The following MKRN1 variants were observed in gnomAD, a reference collection of about 807,000 sequenced individuals.
MKRN1 encodes makorin ring finger protein 1.
A neutral mutation model predicts 55.5 loss-of-function variants in MKRN1; 9 were observed. That is an observed-to-expected ratio of 0.16 (90% CI 0.10 to 0.28). The LOEUF is 0.28. MKRN1 is among the 10% of genes least tolerant of loss of function. MKRN1 has a pLI of 1.00. For missense variants in MKRN1, 488 were observed against 626.7 expected, an observed-to-expected ratio of 0.78 and a Z score of 2.36; for synonymous variants, 253 against 235.9, an observed-to-expected ratio of 1.07 and a Z score of -0.66.
intron 1 of MKRN1, chr7:140,473,448 C>A (rs1794995042): frequency 4.0e-6 from 1 of 251,480 alleles, no homozygotes; most frequent in Non-Finnish European, 8.0e-6. Flanking sequence ...TGTAAGGGTA[C>A]AAGAGAACCA....
intron 2 of MKRN1, among the ~76,000 whole-genome samples, chr7:140,465,090 A>C (rs1311915735): frequency 6.6e-6 from 1 of 152,224 alleles, no homozygotes; most frequent in African/African-American, 2.4e-5. Flanking sequence ...GTAAGAGAAA[A>C]TAACCCTTTC....
In MKRN1 at chr7:140,453,039, A is replaced by C. The variant is rs1415198219; in HGVS notation, c.*1478T>G. ...ACATTTCAAAAACAGCTCATTACAC[A>C]GAACAGCCAACTTTTTTTTTAATTG... On this transcript the variant is annotated 3_prime_UTR_variant, in exon 8 of 8. Coordinates refer to ENST00000255977, the MANE Select transcript of MKRN1 (RefSeq NM_013446.4). 6.6e-6 allele frequency: 1 copy of C among 152,634 alleles called. No homozygotes were observed. Among genetic ancestry groups the C allele is most frequent in the Non-Finnish European group, 1.5e-5 (1 of 68,044 alleles). The allele number at this position is 152,634 out of a possible 1,614,324, so 9.5% of individuals were successfully genotyped here. A position where few individuals can be genotyped will look rare whatever the true frequency, so the allele number is the denominator to read the frequency against.
At chr7:140,458,030 C>T (rs6464779) in intron 4 of MKRN1, among the ~76,000 whole-genome samples, 40,858 of 152,066 alleles carry the variant, frequency 0.27, 9,311 homozygotes, top group African/African-American at 0.63. Context: ...AAGTTTCTAA[C>T]ACAATGTCTT....
chr7:140,453,929 A>C lies in MKRN1; in HGVS notation c.*588T>G, dbSNP rs1375232321. ...CAGTAAAAAATCTCAACACATTCACACCTGATTCTGGTTACCCAGTAGTAT... is the reference window on the plus strand; with the variant it reads ...CAGTAAAAAATCTCAACACATTCACCCCTGATTCTGGTTACCCAGTAGTAT... On this transcript the variant is annotated 3_prime_UTR_variant, in exon 8 of 8. Transcript: ENST00000255977. 6.3e-6 allele frequency: 1 copy of C among 157,860 alleles called. No homozygotes were observed. The highest frequency in any genetic ancestry group is 1.9e-4 in the East Asian group (1 of 5,384). 9.8% of individuals were successfully genotyped at this position (157,860 alleles called of 1,614,324 possible).
At chr7:140,461,338 T>C (rs902142998) in intron 2 of MKRN1, among the ~76,000 whole-genome samples, 22 of 152,320 alleles carry the variant, frequency 1.4e-4, no homozygotes, top group Admixed American at 2.6e-4. Flanking sequence ...AATACATCTA[T>C]TTCCTTCAAG....
chr7:140,460,103 G>T, intron 2 of MKRN1, 167 bp from the exon 3 acceptor site: 1 of 640,132 alleles, frequency 1.6e-6, no homozygotes, highest in Non-Finnish European at 2.8e-6. Context: ...GCAAAAATTA[G>T]CTGGGCATGG....
At chr7:140,478,987 C>A (rs1237080863) in intron 1 of MKRN1, 173 bp downstream of exon 1, 3 of 797,686 alleles carry the variant, frequency 3.8e-6, no homozygotes, top group African/African-American at 1.8e-5. Context: ...GACGCAGTGA[C>A]TGGGGGAACG....
At chr7:140,455,375 T>C (rs1260563301) in intron 6 of MKRN1, 142 bp from the exon 7 acceptor site, 3 of 1,033,010 alleles carry the variant, frequency 2.9e-6, no homozygotes, top group Non-Finnish European at 2.8e-6. Flanking sequence ...CTTATAAACA[T>C]GTGTGTGCCA....
intron 2 of MKRN1, among the ~76,000 whole-genome samples, chr7:140,470,899 A>C (rs1794904170): frequency 6.6e-6 from 1 of 152,136 alleles, no homozygotes; most frequent in Admixed American, 6.6e-5. Flanking sequence ...CCTGGGCAAC[A>C]GAGGGACAAG....
intron 1 of MKRN1, among the ~76,000 whole-genome samples, chr7:140,474,945 C>G (rs1388443401): frequency 6.6e-6 from 1 of 151,840 alleles, no homozygotes; most frequent in Admixed American, 6.6e-5. Flanking sequence ...TCTCGAACTC[C>G]TGACCTCAAG....
rs1256519050 is a variant in MKRN1 at position 140,454,055 on chromosome 7, T to C, written c.*462A>G. 1 of 191,676 alleles carries C rather than the reference T, an allele frequency of 5.2e-6. No homozygotes were observed. Among genetic ancestry groups the C allele is most frequent in the African/African-American group, 2.3e-5 (1 of 43,200 alleles). 11.9% of individuals were successfully genotyped at this position (191,676 alleles called of 1,614,324 possible). ...GATATAAAAACACAGATGTGCAGAT[T>C]TCACCAGAAACCTCAAGGATCCACA... On this transcript the variant is annotated 3_prime_UTR_variant, in exon 8 of 8. Transcript: ENST00000255977.
intron 5 of MKRN1, chr7:140,456,391 T>C: frequency 3.0e-6 from 4 of 1,321,546 alleles, no homozygotes; most frequent in South Asian, 1.6e-5. Context: ...AACTGGCTAA[T>C]AATCCATTAA....
At chr7:140,472,501 AT>A (rs1794958518) in intron 1 of MKRN1, 1 of 153,110 alleles carries the variant, frequency 6.5e-6, no homozygotes, top group Non-Finnish European at 1.4e-5. Context: ...CCGTTTTTGC[AT>A]TGTGTTTTTG....
Position 140,454,430 on chromosome 7 carries a change from A to T in MKRN1, c.*87T>A. 1 of 1,312,340 alleles carries T rather than the reference A, an allele frequency of 7.6e-7. No homozygotes were observed. The highest frequency in any genetic ancestry group is 1.1e-6 in the Non-Finnish European group (1 of 929,144). The allele number at this position is 1,312,340 out of a possible 1,614,324, so 81.3% of individuals were successfully genotyped here. On this transcript the variant is annotated 3_prime_UTR_variant, in exon 8 of 8. Transcript: ENST00000255977. The stretch of plus-strand genomic sequence containing the variant: ...GCACCTGGAGTTGAGAGGCCTGCCT[A>T]GGAGAGAACACAGGCACTGCCACAC...
At chr7:140,462,668 A>G (rs532357170) in intron 2 of MKRN1, among the ~76,000 whole-genome samples, 181 of 152,106 alleles carry the variant, frequency 1.2e-3, no homozygotes, top group African/African-American at 4.2e-3. Context: ...GTCTCTACTA[A>G]AAATAAAAAA....
intron 5 of MKRN1, 69 bp from the exon 6 acceptor site, chr7:140,455,969 T>G: frequency 1.0e-5 from 14 of 1,339,326 alleles, no homozygotes; most frequent in African/African-American, 2.9e-5. Flanking sequence ...GGACACACCC[T>G]GGTGTGTCGC....
rs763042898 is a variant in MKRN1, at chr7:140,454,655, T to C, written c.1311A>G (p.Glu437=). The C allele has an allele frequency of 1.9e-6, 3 of 1,613,996 alleles. No individual in the cohort carries two copies. The South Asian group carries it at 3.3e-5, about 18-fold the overall frequency. The stretch of plus-strand genomic sequence containing the variant: ...CGCCCAGCTCAAAGGTGACAACCTC[T>C]TCTTCATCGTTGTCAAAGGGGTTGC... ...ENSNPFDNDE[E]EVVTFELGEM... Residue 437 remains glutamate, a synonymous_variant, in exon 8 of 8, where the codon GAA becomes GAG. Transcript: ENST00000255977.
At position 140,455,913 on chromosome 7, in the gene MKRN1, G is replaced by C. The variant is rs768491565; in HGVS notation, c.987-13C>G. On this transcript the variant is annotated splice_polypyrimidine_tract_variant and intron_variant, in intron 5 of 7. Coordinates refer to ENST00000255977, the MANE Select transcript of MKRN1 (RefSeq NM_013446.4). The stretch of plus-strand genomic sequence containing the variant: ...TTCTGGGCAGGACCTGGGAAACAAT[G>C]AACAGGCTGCAATGCAAATTCCCCT... 1 of 1,597,536 alleles carries C rather than the reference G, an allele frequency of 6.3e-7. No individual in the cohort carries two copies. Among genetic ancestry groups the C allele is most frequent in the Non-Finnish European group, 8.6e-7 (1 of 1,165,066 alleles).
intron 2 of MKRN1, among the ~76,000 whole-genome samples, chr7:140,468,615 T>G (rs927868923): frequency 1.4e-5 from 2 of 145,168 alleles, no homozygotes; most frequent in Admixed American, 1.4e-4. Flanking sequence ...GCAGGAGAAT[T>G]GCTTGAACCA....
Sources: gnomAD v4.1 joint callset for allele counts (sites outside exome capture counted in the v4.1 genomes callset) on GRCh38, gnomAD v4.1.1 for gene constraint, MANE v1.5 for transcripts, NCBI Gene and HGNC (gene_info 2026-07-23, HGNC 2026-07-21) for gene names.